HDAC9: variants seen among roughly 807,000 people sequenced by gnomAD.
HDAC9 encodes MEF-2 interacting transcription repressor (MITR) protein.
In HDAC9, 41 loss-of-function variants were observed where a neutral mutation model predicts 139.4. The ratio of observed to expected loss-of-function variants is 0.29; its 90% confidence interval spans 0.23 to 0.38. The LOEUF (loss-of-function observed/expected upper bound fraction) is 0.38, where lower values mean the gene tolerates loss of function less well. Ranked by LOEUF, HDAC9 falls within the 10% of genes least tolerant of loss-of-function variation. The probability of loss-of-function intolerance (pLI) is 1.00; values close to 1 mark genes in which losing one functional copy is unlikely to be tolerated. For synonymous variants in HDAC9, 517 were observed against 476.2 expected (o/e 1.09, Z -1.12); for missense variants, 1,147 against 1,297.0 (o/e 0.88, Z 1.78).
intron 25 of HDAC9, among the ~76,000 whole-genome samples, chr7:18,978,534 A>G (rs770138933): frequency 6.6e-6 from 1 of 152,098 alleles, no homozygotes; most frequent in Admixed American, 6.6e-5. Flanking sequence ...AACATAACAC[A>G]TACTTTTCTG....
At chr7:18,276,418 G>A (rs1213969243) in intron 2 of HDAC9, among the ~76,000 whole-genome samples, 2 of 152,180 alleles carry the variant, frequency 1.3e-5, no homozygotes. Context: ...ACTTCAGAAT[G>A]TCTTGCCTAA....
chr7:18,169,139 G>A (rs1584433977), intron 2 of HDAC9, among the ~76,000 whole-genome samples: 2 of 152,104 alleles, frequency 1.3e-5, no homozygotes, highest in Admixed American at 1.3e-4. Context: ...GTTTCACCAT[G>A]TTGCTCAGGC....
At chr7:18,759,171 A>G (rs1789150195) in intron 14 of HDAC9, among the ~76,000 whole-genome samples, 1 of 152,094 alleles carries the variant, frequency 6.6e-6, no homozygotes, top group South Asian at 2.1e-4. Context: ...TAGTTGACTG[A>G]TCTTACACAA....
chr7:18,835,868 C>A, intron 20 of HDAC9, 32 bp from the exon 21 acceptor site: 2 of 1,413,470 alleles, frequency 1.4e-6, no homozygotes, highest in Non-Finnish European at 1.9e-6. Context: ...GCTCTCTTCT[C>A]TGCCCACCGT....
At position 18,753,364 on chromosome 7, in the gene HDAC9, G is replaced by A. The variant is rs1000442905; in HGVS notation, c.2043+4226G>A. 3.3e-5 allele frequency among the ~76,000 whole-genome samples: 5 copies of A among 152,166 alleles called. No homozygotes were observed. The East Asian group carries it at 7.7e-4, about 24-fold the overall frequency. ...GGCCCTGTGACCAAGAGACAGAGGA[G>A]GTAATGTTACATGTGAGAGTGTGAA... On this transcript the variant is annotated intron_variant, in intron 14 of 25. Transcript: ENST00000686413.
intron 2 of HDAC9, among the ~76,000 whole-genome samples, chr7:18,173,948 T>C (rs2128135548): frequency 6.6e-6 from 1 of 152,228 alleles, no homozygotes; most frequent in Admixed American, 6.5e-5. Flanking sequence ...CGAGGAGGAG[T>C]ATCTTTGTGA....
intron 2 of HDAC9, among the ~76,000 whole-genome samples, chr7:18,213,114 G>C (rs1792065288): frequency 1.3e-5 from 2 of 152,162 alleles, no homozygotes; most frequent in South Asian, 4.1e-4. Flanking sequence ...TAGAGACCCA[G>C]TAAAATGTTA....
chr7:18,720,625 A>T (rs1033967719), intron 12 of HDAC9, among the ~76,000 whole-genome samples: 3 of 149,052 alleles, frequency 2.0e-5, no homozygotes, highest in African/African-American at 7.6e-5. Context: ...ACTTTACCTT[A>T]GTAAAAAAAA....
chr7:18,287,448 A>G (rs1562837075), upstream of HDAC9, among the ~76,000 whole-genome samples: 2 of 152,348 alleles, frequency 1.3e-5, no homozygotes, highest in South Asian at 4.1e-4. Flanking sequence ...TGATTGAGCA[A>G]CCAGTAATCA....
At chr7:18,823,270 G>T (rs374754703) in intron 17 of HDAC9, among the ~76,000 whole-genome samples, 2 of 152,196 alleles carry the variant, frequency 1.3e-5, no homozygotes, top group African/African-American at 4.8e-5. Flanking sequence ...ATCAGCAAAG[G>T]GTAAGGAATG....
rs1440625621 is a variant in HDAC9 at position 18,648,499 on chromosome 7, C to T, written c.1283C>T (p.Ala428Val). ...CCCTTACATCCTCAGTCTCCCTTGG[C>T]AACAAAAGAGAGAATTTCACCTGGC... ...GVPLHPQSPL[A>V]TKERISPGIR... Residue 428 changes from alanine to valine, a missense_variant, in exon 11 of 26, where the codon GCA (alanine) becomes GTA (valine). Physicochemically the swap from Ala to Val is moderately conservative, Grantham distance 64 (BLOSUM62 0). This residue lies in a region of HDAC9 where 264 missense variants were observed against 273.8 expected (regional missense o/e 0.96). Coordinates refer to ENST00000686413, the MANE Select transcript of HDAC9 (RefSeq NM_178425.4). 6.2e-7 allele frequency: 1 copy of T among 1,613,030 alleles called. No individual in the cohort carries two copies. The highest frequency in any genetic ancestry group is 1.7e-5 in the Admixed American group (1 of 59,906).
At chr7:18,175,989 C>G (rs902835589) in intron 2 of HDAC9, among the ~76,000 whole-genome samples, 1 of 152,088 alleles carries the variant, frequency 6.6e-6, no homozygotes, top group African/African-American at 2.4e-5. Flanking sequence ...GGAATTTGCC[C>G]TAGTAATTCT....
chr7:18,970,534 C>G (rs1784179558), intron 24 of HDAC9, among the ~76,000 whole-genome samples: 1 of 152,206 alleles, frequency 6.6e-6, no homozygotes, highest in African/African-American at 2.4e-5. Flanking sequence ...GAAAAATTAC[C>G]TGGTCACTCA....
intron 12 of HDAC9, among the ~76,000 whole-genome samples, chr7:18,714,022 C>CT (rs1156701946): frequency 6.6e-6 from 1 of 152,060 alleles, no homozygotes; most frequent in African/African-American, 2.4e-5. Flanking sequence ...TTAGATTAGT[C>CT]TTTTTTGCAG....
At chr7:18,607,775 A>G (rs897218733) in intron 6 of HDAC9, among the ~76,000 whole-genome samples, 2 of 152,130 alleles carry the variant, frequency 1.3e-5, no homozygotes, top group African/African-American at 4.8e-5. Flanking sequence ...CTAAGAAGGA[A>G]ATATATAATT....
intron 13 of HDAC9, among the ~76,000 whole-genome samples, chr7:18,737,603 A>G (rs1787044267): frequency 6.6e-6 from 1 of 152,154 alleles, no homozygotes; most frequent in African/African-American, 2.4e-5. Context: ...TTCTAATTTG[A>G]TTGCACTGTT....
At chr7:18,368,700 G>A (rs1265357778) in intron 1 of HDAC9, among the ~76,000 whole-genome samples, 1 of 151,886 alleles carries the variant, frequency 6.6e-6, no homozygotes, top group East Asian at 1.9e-4. Context: ...ATCCACTTGA[G>A]TAATATTGGA....
At chr7:18,898,954 C>T (rs940151749) in intron 22 of HDAC9, among the ~76,000 whole-genome samples, 16 of 151,848 alleles carry the variant, frequency 1.1e-4, no homozygotes, top group African/African-American at 3.1e-4. Context: ...CCTTAAAAGA[C>T]GAAAGAAGGT....
intron 1 of HDAC9, among the ~76,000 whole-genome samples, chr7:18,405,084 C>T (rs1380759021): frequency 1.3e-5 from 2 of 152,188 alleles, no homozygotes; most frequent in African/African-American, 2.4e-5. Context: ...AGAAAGCCCG[C>T]GCAGATAAAG....
Sources: allele counts gnomAD v4.1 joint callset (sites outside exome capture counted in the v4.1 genomes callset), GRCh38; gene constraint gnomAD v4.1.1; regional missense constraint gnomAD v4.1.1; transcripts MANE v1.5; gene names NCBI Gene and HGNC (gene_info 2026-07-23, HGNC 2026-07-21).